Variants in RALGAPA1 observed in about 807,000 individuals in gnomAD.
The protein encoded by RALGAPA1 is ral GTPase-activating protein subunit alpha-1.
Under a neutral mutation model 269.6 loss-of-function variants are expected in RALGAPA1, and 52 were observed. The ratio of observed to expected loss-of-function variants is 0.19; its 90% CI spans 0.15 to 0.24. RALGAPA1 has a LOEUF of 0.24. Among genes scored for constraint, RALGAPA1 ranks in the 10% least tolerant of loss-of-function variants. RALGAPA1 has a pLI of 1.00. For synonymous variants in RALGAPA1, 817 were observed against 1,008.3 expected, an observed-to-expected ratio of 0.81 and a Z score of 3.60; for missense variants, 1,917 against 3,013.9, an observed-to-expected ratio of 0.64 and a Z score of 8.52.
At chr14:35,579,501 G>A (rs540333818) in intron 37 of RALGAPA1, among the ~76,000 whole-genome samples, 2 of 151,854 alleles carry the variant, frequency 1.3e-5, no homozygotes, top group African/African-American at 2.4e-5. Context: ...CCAGCTACTC[G>A]GGAGGCTGAG....
At chr14:35,673,221 C>A (rs1269138388) in intron 24 of RALGAPA1, among the ~76,000 whole-genome samples, 199 bp from the exon 25 acceptor site, 1 of 152,112 alleles carries the variant, frequency 6.6e-6, no homozygotes, top group Non-Finnish European at 1.5e-5. Context: ...ATAAACTGTT[C>A]CACTTAGGAA....
intron 37 of RALGAPA1, among the ~76,000 whole-genome samples, chr14:35,590,481 C>T (rs1415547137): frequency 6.6e-6 from 1 of 152,124 alleles, no homozygotes; most frequent in African/African-American, 2.4e-5. Context: ...TTTCCCTATG[C>T]TGTTCTAGTG....
chr14:35,805,070 G>A (rs778573039), intron 1 of RALGAPA1, among the ~76,000 whole-genome samples: 8 of 150,798 alleles, frequency 5.3e-5, no homozygotes, highest in Non-Finnish European at 1.0e-4. Context: ...GGCGGATCAC[G>A]AGGTCGCGAG....
intron 26 of RALGAPA1, among the ~76,000 whole-genome samples, chr14:35,665,679 G>A (rs1427252982): frequency 2.0e-5 from 3 of 152,138 alleles, no homozygotes; most frequent in Admixed American, 6.5e-5. Context: ...CAAGGCAGCA[G>A]TATAAAAGGG....
At chr14:35,664,040 T>A (rs2063746895) in intron 27 of RALGAPA1, among the ~76,000 whole-genome samples, 1 of 152,150 alleles carries the variant, frequency 6.6e-6, no homozygotes, top group East Asian at 1.9e-4. Flanking sequence ...TTTTGAAGAC[T>A]TATAAACAAC....
chr14:35,786,691 C>T (rs1357030372), intron 1 of RALGAPA1, among the ~76,000 whole-genome samples: 1 of 152,090 alleles, frequency 6.6e-6, no homozygotes, highest in Non-Finnish European at 1.5e-5. Context: ...CTCTCACAAA[C>T]ACTAGTTCTT....
At chr14:35,626,421 TA>T (rs946572761) in intron 34 of RALGAPA1, among the ~76,000 whole-genome samples, 1 of 152,178 alleles carries the variant, frequency 6.6e-6, no homozygotes, top group Non-Finnish European at 1.5e-5. Context: ...TTTCATGACA[TA>T]GGAATTAAAA....
chr14:35,794,283 AG>A (rs1182566897), intron 1 of RALGAPA1, among the ~76,000 whole-genome samples: 2 of 151,996 alleles, frequency 1.3e-5, no homozygotes, highest in Non-Finnish European at 2.9e-5. Flanking sequence ...AAGACCAGTC[AG>A]GGCAACATAG....
chr14:35,558,220 A>G (rs2055822849), intron 39 of RALGAPA1, among the ~76,000 whole-genome samples: 1 of 152,188 alleles, frequency 6.6e-6, no homozygotes, highest in African/African-American at 2.4e-5. Context: ...TAAATCTGGC[A>G]TTTAACCTTA....
intron 1 of RALGAPA1, among the ~76,000 whole-genome samples, chr14:35,787,270 T>C (rs2075862101): frequency 1.3e-5 from 2 of 152,222 alleles, no homozygotes; most frequent in South Asian, 4.1e-4. Flanking sequence ...AAGAACAAGA[T>C]ATAAGCAAGA....
intron 37 of RALGAPA1, among the ~76,000 whole-genome samples, chr14:35,583,464 G>C (rs2058079969): frequency 6.6e-6 from 1 of 152,046 alleles, no homozygotes; most frequent in Non-Finnish European, 1.5e-5. Flanking sequence ...AAAACTGTGG[G>C]ACTACCATGA....
chr14:35,572,493 G>A, intron 38 of RALGAPA1, 67 bp downstream of exon 38: 1 of 1,261,506 alleles, frequency 7.9e-7, no homozygotes, highest in Non-Finnish European at 1.1e-6. Flanking sequence ...CTGTAACATG[G>A]AAAGAAACCC....
In RALGAPA1 at chr14:35,699,828, C is replaced by T. The variant is rs529817998; in HGVS notation, c.2407+334G>A. Among the ~76,000 whole-genome samples the T allele has an allele frequency of 8.1e-5, 12 of 148,650 alleles. No homozygotes were observed. The South Asian group carries it at 2.3e-3, about 29-fold the overall frequency. ...TCTTCCTAAGTCATCTTTTACAAGA[C>T]TTCTATTATATAAATGTATACTACT... is the stretch of plus-strand genomic sequence containing the variant. On this transcript the variant is annotated intron_variant, in intron 17 of 41. Coordinates refer to ENST00000680220, the MANE Select transcript of RALGAPA1 (RefSeq NM_001346249.2).
intron 17 of RALGAPA1, among the ~76,000 whole-genome samples, chr14:35,697,889 T>C (rs551824299): frequency 1.1e-4 from 16 of 152,308 alleles, no homozygotes; most frequent in African/African-American, 3.1e-4. Flanking sequence ...GATTTTTAAT[T>C]CAAAATAACT....
rs762228304 is a variant in RALGAPA1, at chr14:35,634,602, T to G, written c.5967A>C (p.Arg1989=). Residue 1989 remains arginine (R), a synonymous_variant, in exon 33 of 42, where the codon CGA becomes CGC. Coordinates refer to ENST00000680220, the MANE Select transcript of RALGAPA1 (RefSeq NM_001346249.2). ...CTGTTACTGGCTGGAGTTTAGAAGA[T>G]CGTTCTGAGTCAGGAGAGTGCAGAG... ...PEPLHSPDSE[R]SSKLQPVTEV... 6.2e-7 allele frequency: 1 copy of G among 1,612,354 alleles called. No individual in the cohort carries two copies.
At chr14:35,541,324 C>T (rs747892656) in intron 41 of RALGAPA1, among the ~76,000 whole-genome samples, 20 of 151,996 alleles carry the variant, frequency 1.3e-4, no homozygotes, top group African/African-American at 2.2e-4. Context: ...GGATTGCAGG[C>T]GTGAGCCACC....
chr14:35,606,964 C>T lies in RALGAPA1; in HGVS notation c.6930-1255G>A, dbSNP rs145336402. Among the ~76,000 whole-genome samples, 213 of 152,134 alleles carry T rather than the reference C, an allele frequency of 1.4e-3. 1 individual carries two copies. Among genetic ancestry groups the T allele is most frequent in the African/African-American group, 4.9e-3 (203 of 41,488 alleles). The stretch of plus-strand genomic sequence containing the variant: ...TGAGCACATAGGCAAACTTTCAGTG[C>T]GTCAGATGTATCAGTAGGATATGCT... On this transcript the variant is annotated intron_variant, in intron 35 of 41. Transcript: ENST00000680220.
chr14:35,770,598 T>C (rs1052865534), intron 4 of RALGAPA1, among the ~76,000 whole-genome samples: 1 of 152,194 alleles, frequency 6.6e-6, no homozygotes, highest in African/African-American at 2.4e-5. Context: ...CCATTCTATT[T>C]AGCACTTTGC....
At chr14:35,767,086 G>T (rs999390979) in intron 4 of RALGAPA1, 1 of 314,360 alleles carries the variant, frequency 3.2e-6, no homozygotes, top group Non-Finnish European at 6.1e-6. Flanking sequence ...AAAATGAAAA[G>T]TTAGTCTCTG....
Sources: allele counts gnomAD v4.1 joint callset (sites outside exome capture counted in the v4.1 genomes callset), GRCh38; gene constraint gnomAD v4.1.1; transcripts MANE v1.5; gene names NCBI Gene and HGNC (gene_info 2026-07-23, HGNC 2026-07-21).